Variants in ARHGEF37 observed in about 807,000 individuals in gnomAD.
ARHGEF37 encodes Rho guanine nucleotide exchange factor 37, also known as Rho guanine nucleotide exchange factor (GEF) 37.
A neutral mutation model predicts 71.1 loss-of-function variants in ARHGEF37; 55 were observed. That is an observed-to-expected ratio of 0.77 (90% CI 0.62 to 0.97). The LOEUF is 0.97. Ranked by LOEUF, ARHGEF37 falls within the 50% of genes least tolerant of loss-of-function variation. The probability of loss-of-function intolerance (pLI) is 0.00; values close to 1 mark genes in which losing one functional copy is unlikely to be tolerated. For missense variants in ARHGEF37, 765 were observed against 836.8 expected (o/e 0.91, Z 1.06); for synonymous variants, 327 against 350.6 (o/e 0.93, Z 0.75).
intron 1 of ARHGEF37, among the ~76,000 whole-genome samples, chr5:149,563,295 T>C (rs1442221141): frequency 1.3e-5 from 2 of 152,198 alleles, no homozygotes; most frequent in African/African-American, 4.8e-5. Flanking sequence ...TACACCCTTC[T>C]TGCTTCCTGT....
chr5:149,630,210 T>A (rs1181878480), intron 12 of ARHGEF37, among the ~76,000 whole-genome samples: 1 of 152,012 alleles, frequency 6.6e-6, no homozygotes, highest in Admixed American at 6.6e-5. Flanking sequence ...AAAAGTAAAG[T>A]GTTTGGAAGC....
chr5:149,588,241 G>C (rs1261743176), intron 1 of ARHGEF37, among the ~76,000 whole-genome samples: 1 of 151,604 alleles, frequency 6.6e-6, no homozygotes, highest in Non-Finnish European at 1.5e-5. Context: ...CTTTGAGACA[G>C]AATCTTGCTC....
chr5:149,611,044 C>A (rs747047918), intron 4 of ARHGEF37, among the ~76,000 whole-genome samples: 1 of 152,256 alleles, frequency 6.6e-6, no homozygotes, highest in East Asian at 1.9e-4. Flanking sequence ...ATCTGGGACA[C>A]ATGAGCTGCC....
intron 4 of ARHGEF37, among the ~76,000 whole-genome samples, chr5:149,614,334 A>G (rs1234157071): frequency 6.6e-6 from 1 of 151,434 alleles, no homozygotes; most frequent in Non-Finnish European, 1.5e-5. Context: ...GCCAGTTGAT[A>G]CTCCCACCAA....
At chr5:149,596,674 A>T (rs915861580) in intron 1 of ARHGEF37, among the ~76,000 whole-genome samples, 10 of 152,270 alleles carry the variant, frequency 6.6e-5, no homozygotes, top group Middle Eastern at 3.4e-3. Context: ...AGCTGGTGGG[A>T]GTGAGAAATG....
chr5:149,573,755 A>G (rs1382340875), intron 1 of ARHGEF37, among the ~76,000 whole-genome samples: 1 of 152,186 alleles, frequency 6.6e-6, no homozygotes, highest in African/African-American at 2.4e-5. Flanking sequence ...TATGCACCAT[A>G]TATATATTTA....
intron 8 of ARHGEF37, 115 bp from the exon 9 acceptor site, chr5:149,621,618 C>G: frequency 1.0e-6 from 1 of 955,644 alleles, no homozygotes; most frequent in African/African-American, 1.6e-5. Context: ...AAGGTCCCAG[C>G]TAGTCAGTGG....
upstream of ARHGEF37, among the ~76,000 whole-genome samples, chr5:149,578,276 T>C (rs890028371): frequency 2.6e-5 from 4 of 152,248 alleles, no homozygotes; most frequent in South Asian, 4.1e-4. Flanking sequence ...CTTTAGGTAA[T>C]GTGCAACCCA....
chr5:149,630,085 GA>G (rs1336797861), intron 12 of ARHGEF37, among the ~76,000 whole-genome samples: 1 of 152,172 alleles, frequency 6.6e-6, no homozygotes. Context: ...TGGGGGTGAT[GA>G]AAATGTTCTG....
intron 4 of ARHGEF37, 45 bp downstream of exon 4, chr5:149,609,740 C>CGGTT: frequency 6.2e-7 from 1 of 1,609,260 alleles, no homozygotes; most frequent in Non-Finnish European, 8.5e-7. Context: ...CCCACTGACC[C>CGGTT]GGTTCAGGAG....
chr5:149,601,357 A>G (rs1580909061), intron 3 of ARHGEF37, 126 bp downstream of exon 3: 1 of 1,203,056 alleles, frequency 8.3e-7, no homozygotes, highest in East Asian at 2.6e-5. Flanking sequence ...TGTTTTGGGG[A>G]TCTCCAAAAC....
intron 1 of ARHGEF37, among the ~76,000 whole-genome samples, chr5:149,587,852 A>G (rs146905806): frequency 1.4e-5 from 2 of 146,696 alleles, no homozygotes; most frequent in Non-Finnish European, 3.0e-5. Context: ...CAGGGTCCCT[A>G]TGTGCACATT....
chr5:149,616,230 A>G (rs1752372162), intron 4 of ARHGEF37, among the ~76,000 whole-genome samples: 2 of 152,148 alleles, frequency 1.3e-5, no homozygotes, highest in Admixed American at 1.3e-4. Flanking sequence ...TATGAGGAGA[A>G]GCAGGACAGA....
intron 4 of ARHGEF37, among the ~76,000 whole-genome samples, chr5:149,613,438 C>T (rs1307373748): frequency 6.6e-6 from 1 of 151,766 alleles, no homozygotes; most frequent in Non-Finnish European, 1.5e-5. Flanking sequence ...CCTCTGCCTC[C>T]GGGGTTCAAG....
intron 1 of ARHGEF37, among the ~76,000 whole-genome samples, chr5:149,568,921 ATT>A (rs76021776): frequency 2.0e-5 from 3 of 150,830 alleles, no homozygotes; most frequent in East Asian, 3.9e-4. Flanking sequence ...AACTGTTCTG[ATT>A]TTTTTTTATC....
intron 4 of ARHGEF37, among the ~76,000 whole-genome samples, chr5:149,610,772 C>T (rs1023963880): frequency 1.3e-5 from 2 of 152,318 alleles, no homozygotes; most frequent in South Asian, 2.1e-4. Context: ...GTGGAGGCTG[C>T]GCACACTAGA....
At chr5:149,585,423 G>A (rs549231884) in intron 1 of ARHGEF37, among the ~76,000 whole-genome samples, 1 of 152,280 alleles carries the variant, frequency 6.6e-6, no homozygotes, top group East Asian at 1.9e-4. Context: ...GGAAAGTAAC[G>A]ATGTATTGAT....
chr5:149,587,639 A>C (rs1763272937), intron 1 of ARHGEF37, among the ~76,000 whole-genome samples: 1 of 152,180 alleles, frequency 6.6e-6, no homozygotes. Flanking sequence ...CACTGCCACC[A>C]AATAGTGTGC....
intron 12 of ARHGEF37, among the ~76,000 whole-genome samples, chr5:149,630,019 G>C (rs974005612): frequency 1.3e-5 from 2 of 152,000 alleles, no homozygotes; most frequent in African/African-American, 4.8e-5. Flanking sequence ...TGAATGGCAG[G>C]GGCTGGGGGT....
Sources: allele counts gnomAD v4.1 joint callset (sites outside exome capture counted in the v4.1 genomes callset), GRCh38; gene constraint gnomAD v4.1.1; transcripts MANE v1.5; gene names NCBI Gene and HGNC (gene_info 2026-07-23, HGNC 2026-07-21).